MACROD2: variants seen among roughly 807,000 people sequenced by gnomAD.
The protein encoded by MACROD2 is mono-ADP ribosylhydrolase 2.
MACROD2 carries 36 observed loss-of-function variants against 70.4 expected under a neutral mutation model. The observed-to-expected ratio is 0.51, with a 90% CI of 0.39 to 0.68. MACROD2 has a LOEUF of 0.68. Ranked by LOEUF, MACROD2 falls within the 30% of genes least tolerant of loss-of-function variation. MACROD2 has a pLI of 0.00. For missense variants in MACROD2, 496 were observed against 538.4 expected (o/e 0.92, Z 0.78); for synonymous variants, 172 against 178.8 (o/e 0.96, Z 0.30).
chr20:15,110,399 G>T (rs1322710637), intron 5 of MACROD2, among the ~76,000 whole-genome samples: 2 of 152,102 alleles, frequency 1.3e-5, no homozygotes, highest in African/African-American at 4.8e-5. Context: ...TCAAATTATT[G>T]TCATACAATT....
chr20:14,705,684 GT>G (rs1361781852), intron 5 of MACROD2, among the ~76,000 whole-genome samples: 1 of 152,294 alleles, frequency 6.6e-6, no homozygotes, highest in African/African-American at 2.4e-5. Flanking sequence ...ATAAAAATGT[GT>G]TGGGAAGTAG....
intron 5 of MACROD2, among the ~76,000 whole-genome samples, chr20:15,209,411 G>A (rs2145944157): frequency 6.6e-6 from 1 of 152,258 alleles, no homozygotes; most frequent in Non-Finnish European, 1.5e-5. Context: ...TTTTCTGTGA[G>A]TATTTTAAAT....
At chr20:14,555,018 CAG>C (rs774426600) in intron 4 of MACROD2, among the ~76,000 whole-genome samples, 4 of 150,706 alleles carry the variant, frequency 2.7e-5, no homozygotes, top group Non-Finnish European at 5.9e-5. Context: ...TAAAAAAAAA[CAG>C]AAAGAATGAA....
chr20:14,317,229 A>G (rs1337823051), intron 3 of MACROD2, among the ~76,000 whole-genome samples: 1 of 152,120 alleles, frequency 6.6e-6, no homozygotes, highest in Non-Finnish European at 1.5e-5. Flanking sequence ...CAATCTAAGT[A>G]GGTTCTCTTG....
intron 8 of MACROD2, among the ~76,000 whole-genome samples, chr20:15,641,257 C>G (rs936405379): frequency 9.9e-5 from 15 of 152,222 alleles, no homozygotes; most frequent in Non-Finnish European, 1.9e-4. Flanking sequence ...CAACTGCTTT[C>G]TCCAGACTTC....
chr20:15,509,034 T>C (rs1183097147), intron 8 of MACROD2, among the ~76,000 whole-genome samples: 10 of 152,208 alleles, frequency 6.6e-5, no homozygotes, highest in Non-Finnish European at 1.0e-4. Flanking sequence ...TTTGGAGGGT[T>C]ATTTTTTTCA....
intron 8 of MACROD2, among the ~76,000 whole-genome samples, chr20:15,662,503 T>C (rs2049835459): frequency 6.6e-6 from 1 of 152,232 alleles, no homozygotes; most frequent in African/African-American, 2.4e-5. Context: ...TATTCTACTC[T>C]TGTCTCTTAT....
chr20:14,435,291 G>T lies in MACROD2; in HGVS notation c.272-58188G>T, dbSNP rs142570729. 3.0e-3 allele frequency among the ~76,000 whole-genome samples: 462 copies of T among 152,188 alleles called. 4 individuals carry two copies. Among genetic ancestry groups the T allele is most frequent in the African/African-American group, 0.011 (440 of 41,498 alleles). The stretch of plus-strand genomic sequence containing the variant: ...CTCTATGTCTCCTAATAGGACAATT[G>T]TCATTAGATTTAGAACCCACCCACA... On this transcript the variant is annotated intron_variant, in intron 3 of 17. Transcript: ENST00000684519.
Position 13,995,632 on chromosome 20 carries a change from G to A in MACROD2, c.-132G>A. ...ACTGGAGAGCGGCGAGCGGCGAGCAGCGCAGGACGCAGAGCCTCTTTCACT... is the reference window on the plus strand; with the variant it reads ...ACTGGAGAGCGGCGAGCGGCGAGCAACGCAGGACGCAGAGCCTCTTTCACT... On this transcript the variant is annotated 5_prime_UTR_variant, in exon 1 of 18. Transcript: ENST00000684519. The surrounding 1 kb of genome is among the most constrained non-coding windows in gnomAD (Gnocchi z 4.3). 7.2e-6 allele frequency: 6 copies of A among 835,682 alleles called. No individual in the cohort carries two copies. The highest frequency in any genetic ancestry group is 1.0e-5 in the Non-Finnish European group (5 of 493,186). The allele number at this position is 835,682 out of a possible 1,614,324, so 51.8% of individuals were successfully genotyped here. A position where few individuals can be genotyped will look rare whatever the true frequency, so the allele number is the denominator to read the frequency against.
At chr20:14,527,611 A>G (rs2085250499) in intron 4 of MACROD2, among the ~76,000 whole-genome samples, 1 of 152,238 alleles carries the variant, frequency 6.6e-6, no homozygotes, top group South Asian at 2.1e-4. Context: ...ATTTCTATGG[A>G]ATGAATACTC....
chr20:15,497,283 C>G (rs2047309852), intron 7 of MACROD2, among the ~76,000 whole-genome samples: 1 of 151,910 alleles, frequency 6.6e-6, no homozygotes, highest in Non-Finnish European at 1.5e-5. Flanking sequence ...AAATGCCCAT[C>G]CTGGCCTCCT....
chr20:14,162,840 T>C (rs973561967), intron 3 of MACROD2, among the ~76,000 whole-genome samples: 4 of 152,084 alleles, frequency 2.6e-5, no homozygotes, highest in African/African-American at 9.7e-5. Context: ...CTGTCTATAT[T>C]TTTTAAGTGG....
In MACROD2 at chr20:16,051,222, G is replaced by T. The variant is rs1346608488; in HGVS notation, c.*1346G>T. ...TCTTAAATCCATCTTCCTTGTAAGG[G>T]CTTTAGAACTAAAACTTACTTATAT... On this transcript the variant is annotated 3_prime_UTR_variant, in exon 18 of 18. Transcript: ENST00000684519. 1 of 152,152 alleles carries T rather than the reference G, an allele frequency of 6.6e-6. No individual in the cohort carries two copies. Among genetic ancestry groups the T allele is most frequent in the African/African-American group, 2.4e-5 (1 of 41,428 alleles). The allele number at this position is 152,152 out of a possible 1,614,324, so 9.4% of individuals were successfully genotyped here.
At chr20:14,789,379 G>A (rs1211979073) in intron 5 of MACROD2, among the ~76,000 whole-genome samples, 2 of 149,670 alleles carry the variant, frequency 1.3e-5, no homozygotes, top group East Asian at 3.9e-4. Context: ...TGAATCCAGG[G>A]CAGCCATCCA....
intron 8 of MACROD2, among the ~76,000 whole-genome samples, chr20:15,669,310 G>A (rs1370198087): frequency 6.6e-6 from 1 of 152,156 alleles, no homozygotes; most frequent in African/African-American, 2.4e-5. Context: ...AAGCATTATT[G>A]CACACATGAA....
intron 2 of MACROD2, among the ~76,000 whole-genome samples, chr20:14,012,381 C>T (rs749548479): frequency 1.8e-4 from 27 of 152,272 alleles, no homozygotes; most frequent in Middle Eastern, 3.4e-3. Context: ...TCTAGCAATC[C>T]TGCACTCACA....
At chr20:16,035,129 T>TATAA (rs879461459) in intron 15 of MACROD2, among the ~76,000 whole-genome samples, 18 of 71,788 alleles carry the variant, frequency 2.5e-4, no homozygotes, top group East Asian at 5.9e-4. Flanking sequence ...ATATAAAATA[T>TATAA]TATATATTAT....
At chr20:15,487,407 T>A (rs1188447391) in intron 7 of MACROD2, among the ~76,000 whole-genome samples, 3 of 152,208 alleles carry the variant, frequency 2.0e-5, no homozygotes, top group Admixed American at 2.0e-4. Context: ...TTTAGGATGA[T>A]GTCCTCCAGC....
At position 15,494,327 on chromosome 20, in the gene MACROD2, A is replaced by G. The variant is rs114068855; in HGVS notation, c.572-5447A>G. Among the ~76,000 whole-genome samples, 987 of 152,312 alleles carry G rather than the reference A, an allele frequency of 6.5e-3. 11 individuals are homozygous for G. The highest frequency in any genetic ancestry group is 0.022 in the African/African-American group (934 of 41,568). ...AGTCCAGCAGCCCTTCCTCCTGGAT[A>G]TATACTCAACAGAAACACATGCTTA... On this transcript the variant is annotated intron_variant, in intron 7 of 17. Transcript: ENST00000684519.
Sources: allele counts gnomAD v4.1 joint callset (sites outside exome capture counted in the v4.1 genomes callset), GRCh38; gene constraint gnomAD v4.1.1; non-coding constraint Gnocchi (gnomAD v3.1); transcripts MANE v1.5; gene names NCBI Gene and HGNC (gene_info 2026-07-23, HGNC 2026-07-21).